The following PLAC1 variants were observed in gnomAD, a reference collection of about 807,000 sequenced individuals.
PLAC1 encodes placenta associated 1.
For synonymous variants in PLAC1, 68 were observed against 62.1 expected (o/e 1.09, Z -0.44); for missense variants, 136 against 163.2 (o/e 0.83, Z 0.91).
At position 134,742,191 on chromosome X, in the gene PLAC1, G is replaced by A. The variant is rs186917260; in HGVS notation, n.90-8672C>T. On this transcript the variant is annotated intron_variant and non_coding_transcript_variant, in intron 1 of 2. Transcript: ENST00000466797. ...CTGAAGATGGGCAGACAGGCTTACT[G>A]TTCCCTCCATAACAGAGTTGACACT... Among the ~76,000 whole-genome samples the A allele has an allele frequency of 7.1e-5, 8 of 113,045 alleles. No individual in the cohort carries two copies. The East Asian group carries it at 2.2e-3, about 31-fold the overall frequency.
upstream of PLAC1, among the ~76,000 whole-genome samples, chrX:134,660,671 T>A (rs4830303): frequency 0.1 from 11,523 of 110,905 alleles, 745 homozygotes; most frequent in Admixed American, 0.34. Context: ...GAGGACAGAA[T>A]GAGAAGTTCC....
chrX:134,594,192 G>A (rs191668214), intron 2 of PLAC1, among the ~76,000 whole-genome samples: 402 of 111,535 alleles, frequency 3.6e-3, no homozygotes, highest in African/African-American at 0.013. Context: ...TGTTAATATG[G>A]TGGTTCACAC....
intron 1 of PLAC1, among the ~76,000 whole-genome samples, chrX:134,632,897 A>G (rs1021864077): frequency 9.0e-6 from 1 of 111,099 alleles, no homozygotes; most frequent in Admixed American, 9.6e-5. Context: ...CCTCTTCAAA[A>G]TGCTCCATTT....
At chrX:134,754,758 C>CTTTTTTTTTTT (rs760098539) in intron 1 of PLAC1, among the ~76,000 whole-genome samples, 4 of 66,149 alleles carry the variant, frequency 6.0e-5, no homozygotes, top group Non-Finnish European at 7.9e-5. Flanking sequence ...ATTTATTGTT[C>CTTTTTTTTTTT]TTTTTTTTTT....
At chrX:134,567,294 G>A (rs1218210483) in intron 2 of PLAC1, among the ~76,000 whole-genome samples, 2 of 112,127 alleles carry the variant, frequency 1.8e-5, no homozygotes, top group South Asian at 7.4e-4. Flanking sequence ...ATGATCAAAC[G>A]AATGCTTCAT....
intron 1 of PLAC1, among the ~76,000 whole-genome samples, chrX:134,755,856 C>CTTTTTTTTTTTTTTTTTTTTTTTT (rs776901556): frequency 2.2e-5 from 1 of 45,543 alleles, no homozygotes; most frequent in Non-Finnish European, 3.7e-5. Context: ...CCTTTTCTTT[C>CTTTTTTTTTTTTTTTTTTTTTTTT]TTTTTTTTTT....
At chrX:134,579,726 T>C (rs1380306754) in intron 2 of PLAC1, among the ~76,000 whole-genome samples, 1 of 111,339 alleles carries the variant, frequency 9.0e-6, no homozygotes, top group East Asian at 2.8e-4. Context: ...GAGACCCAGA[T>C]AGACTCCAGC....
intron 1 of PLAC1, among the ~76,000 whole-genome samples, chrX:134,755,207 G>A (rs976101943): frequency 2.7e-5 from 3 of 111,770 alleles, no homozygotes; most frequent in Admixed American, 9.5e-5. Context: ...AAAGAGAAGC[G>A]GGGAGAGAGA....
At chrX:134,641,728 A>G (rs753005191) in intron 1 of PLAC1, among the ~76,000 whole-genome samples, 1 of 112,045 alleles carries the variant, frequency 8.9e-6, no homozygotes, top group Non-Finnish European at 1.9e-5. Flanking sequence ...CCTCTCTTTC[A>G]GTTCGTTCTG....
chrX:134,681,747 A>C (rs1334581913), intron 2 of PLAC1, among the ~76,000 whole-genome samples: 1 of 110,108 alleles, frequency 9.1e-6, no homozygotes, highest in African/African-American at 3.3e-5. Context: ...GTAGAAACTG[A>C]AAAAAAAATT....
At chrX:134,759,458 T>C (rs746753438) in intron 1 of PLAC1, among the ~76,000 whole-genome samples, 1 of 111,904 alleles carries the variant, frequency 8.9e-6, no homozygotes, top group South Asian at 3.8e-4. Flanking sequence ...CAGGAACTCT[T>C]ATACATTGGT....
intron 2 of PLAC1, among the ~76,000 whole-genome samples, chrX:134,709,227 G>A (rs1333475967): frequency 3.6e-5 from 4 of 112,118 alleles, no homozygotes; most frequent in Non-Finnish European, 7.5e-5. Flanking sequence ...TTTACACAGA[G>A]AATAAGATTG....
chrX:134,623,826 A>G (rs1414742158), intron 1 of PLAC1, among the ~76,000 whole-genome samples: 1 of 112,225 alleles, frequency 8.9e-6, no homozygotes, highest in East Asian at 2.8e-4. Context: ...GCAGAGCTGC[A>G]AAGTGTTGAC....
intron 2 of PLAC1, among the ~76,000 whole-genome samples, chrX:134,732,823 T>C (rs1210755405): frequency 8.9e-6 from 1 of 112,185 alleles, no homozygotes; most frequent in Non-Finnish European, 1.9e-5. Context: ...GAACACATTG[T>C]TTTTGTGGGC....
At chrX:134,742,019 C>T (rs2078718138) in intron 1 of PLAC1, among the ~76,000 whole-genome samples, 2 of 111,772 alleles carry the variant, frequency 1.8e-5, no homozygotes, top group African/African-American at 3.3e-5. Context: ...CAAACAGTCA[C>T]AGGTGCAGGG....
At chrX:134,634,651 A>G (rs1358342987) in intron 1 of PLAC1, among the ~76,000 whole-genome samples, 1 of 112,212 alleles carries the variant, frequency 8.9e-6, no homozygotes, top group African/African-American at 3.2e-5. Flanking sequence ...TCTTTCACTT[A>G]GCATTATGTT....
intron 2 of PLAC1, among the ~76,000 whole-genome samples, chrX:134,720,646 CAA>C (rs980742759): frequency 4.5e-5 from 5 of 110,406 alleles, no homozygotes; most frequent in African/African-American, 1.6e-4. Flanking sequence ...ACGCAAGTGA[CAA>C]AGGAAAAAAA....
At chrX:134,652,658 T>G (rs767307811) in intron 1 of PLAC1, among the ~76,000 whole-genome samples, 4 of 111,816 alleles carry the variant, frequency 3.6e-5, no homozygotes, top group Admixed American at 1.9e-4. Context: ...TTACTTAATC[T>G]CTCTGTGCCT....
intron 1 of PLAC1, among the ~76,000 whole-genome samples, chrX:134,649,660 C>T (rs1024651423): frequency 8.9e-6 from 1 of 112,192 alleles, no homozygotes; most frequent in African/African-American, 3.2e-5. Context: ...AATGGCCAAC[C>T]ATTATCACAA....
Sources: allele counts gnomAD v4.1 joint callset (sites outside exome capture counted in the v4.1 genomes callset), GRCh38; gene constraint gnomAD v4.1.1; transcripts MANE v1.5; gene names NCBI Gene and HGNC (gene_info 2026-07-23, HGNC 2026-07-21).